Variants in DAGLA observed in about 807,000 individuals in gnomAD.
DAGLA encodes diacylglycerol lipase alpha, also known as diacylglycerol lipase-alpha.
A neutral mutation model predicts 102.6 loss-of-function variants in DAGLA; 22 were observed. That is an observed-to-expected ratio of 0.21 (90% CI 0.15 to 0.31). The LOEUF (loss-of-function observed/expected upper bound fraction) is 0.31. Ranked by LOEUF, DAGLA falls within the 10% of genes least tolerant of loss-of-function variation. The pLI is 1.00. For missense variants in DAGLA, 927 were observed against 1,446.6 expected (o/e 0.64, Z 5.83); for synonymous variants, 578 against 628.9 (o/e 0.92, Z 1.21).
intron 1 of DAGLA, among the ~76,000 whole-genome samples, chr11:61,716,500 G>A (rs914697819): frequency 8.6e-5 from 13 of 150,804 alleles, no homozygotes; most frequent in Admixed American, 4.6e-4. Context: ...CGAGAAAGAA[G>A]GATGTGGCAG....
intron 1 of DAGLA, among the ~76,000 whole-genome samples, chr11:61,705,973 C>G (rs984062439): frequency 6.6e-6 from 1 of 152,236 alleles, no homozygotes; most frequent in Non-Finnish European, 1.5e-5. Context: ...GCCAGCCCAG[C>G]CTGGGGTTTG....
chr11:61,728,815 GT>G lies in DAGLA; in HGVS notation c.772-113del. The G allele has an allele frequency of 3.6e-6, 3 of 832,126 alleles. No homozygotes were observed. The South Asian group carries it at 4.6e-5, about 13-fold the overall frequency. 51.5% of individuals were successfully genotyped at this position (832,126 alleles called of 1,614,324 possible). A position where few individuals can be genotyped will look rare whatever the true frequency, so the allele number is the denominator to read the frequency against. On this transcript the variant is annotated intron_variant, in intron 7 of 19. Coordinates refer to ENST00000257215, the MANE Select transcript of DAGLA (RefSeq NM_006133.3). ...TGGAAGAACTAGAAGCTGCATGCTCGTTTGGGCTTCTCGGCCTTTGGGAAGC... is the reference window on the plus strand; with the variant it reads ...TGGAAGAACTAGAAGCTGCATGCTCGTTGGGCTTCTCGGCCTTTGGGAAGC...
In DAGLA at chr11:61,737,601, G is replaced by A; in HGVS notation, c.1515-86G>A. The A allele has an allele frequency of 4.5e-6, 6 of 1,324,624 alleles. No individual in the cohort carries two copies. In the South Asian group the frequency reaches 4.8e-5, roughly 11 times the overall value. 82.1% of individuals were successfully genotyped at this position (1,324,624 alleles called of 1,614,324 possible). A position where few individuals can be genotyped will look rare whatever the true frequency, so the allele number is the denominator to read the frequency against. Reference sequence around the variant, plus strand: ...AGCCATCCCAGGAGTGCAGGAGCAGGGCTTGCTTGTGGCTGGGCCCCCCGA... The same window carrying A: ...AGCCATCCCAGGAGTGCAGGAGCAGAGCTTGCTTGTGGCTGGGCCCCCCGA... On this transcript the variant is annotated intron_variant, in intron 14 of 19. Transcript: ENST00000257215.
chr11:61,731,514 G>A, intron 9 of DAGLA, 73 bp downstream of exon 9: 1 of 1,587,928 alleles, frequency 6.3e-7, no homozygotes, highest in East Asian at 2.2e-5. Flanking sequence ...GGGCTACCGG[G>A]CTGCGCCTAC....
At chr11:61,738,524 A>C (rs962380056) in intron 16 of DAGLA, among the ~76,000 whole-genome samples, 2 of 152,220 alleles carry the variant, frequency 1.3e-5, no homozygotes, top group Admixed American at 6.5e-5. Context: ...AGCTGCCCAC[A>C]GTCAGGAGAA....
intron 14 of DAGLA, 118 bp downstream of exon 14, chr11:61,737,442 AG>A (rs2065432936): frequency 1.4e-6 from 2 of 1,433,852 alleles, no homozygotes; most frequent in Admixed American, 1.8e-5. Flanking sequence ...GAGGTCTGGG[AG>A]TGGCCTGGAG....
chr11:61,696,425 C>G (rs1445047887), intron 1 of DAGLA, among the ~76,000 whole-genome samples: 1 of 152,200 alleles, frequency 6.6e-6, no homozygotes, highest in Admixed American at 6.5e-5. Flanking sequence ...CCCCCACTTC[C>G]CAGCGGGGAG....
chr11:61,730,564 G>A (rs1204395682), intron 8 of DAGLA, among the ~76,000 whole-genome samples: 1 of 152,128 alleles, frequency 6.6e-6, no homozygotes, highest in Non-Finnish European at 1.5e-5. Flanking sequence ...GGTGCCTGGG[G>A]CACTCGGGAA....
chr11:61,705,658 G>T (rs2065143093), intron 1 of DAGLA, among the ~76,000 whole-genome samples: 1 of 152,184 alleles, frequency 6.6e-6, no homozygotes, highest in Non-Finnish European at 1.5e-5. Flanking sequence ...TGGTCTGCAG[G>T]CTCCATAAGG....
chr11:61,712,047 T>C (rs1392254822), intron 1 of DAGLA, among the ~76,000 whole-genome samples: 1 of 152,232 alleles, frequency 6.6e-6, no homozygotes, highest in Admixed American at 6.5e-5. Context: ...TGGAACTATT[T>C]CTGGGTCCGG....
At chr11:61,687,575 C>T (rs1216263154) in intron 1 of DAGLA, among the ~76,000 whole-genome samples, 2 of 152,290 alleles carry the variant, frequency 1.3e-5, no homozygotes, top group South Asian at 2.1e-4. Flanking sequence ...GTGATCCACC[C>T]GCCTCGCTCG....
At chr11:61,736,200 A>T in intron 12 of DAGLA, 70 bp from the exon 13 acceptor site, 1 of 1,297,664 alleles carries the variant, frequency 7.7e-7, no homozygotes, top group South Asian at 1.2e-5. Context: ...CCTGAGCTGC[A>T]GGTCACTGTG....
At position 61,727,048 on chromosome 11, in the gene DAGLA, G is replaced by A. The variant is rs138934482; in HGVS notation, c.636+966G>A. Among the ~76,000 whole-genome samples, 21 of 152,336 alleles carry A rather than the reference G, an allele frequency of 1.4e-4. No individual in the cohort carries two copies. In the East Asian group the frequency reaches 3.3e-3, roughly 24 times the overall value. ...GGCACGCCTGCCCCTCTGGGTGCAC[G>A]GGCAGAGCTGGGGCTGTTGTCAGAG... is the stretch of plus-strand genomic sequence containing the variant. On this transcript the variant is annotated intron_variant, in intron 6 of 19. Transcript: ENST00000257215.
In DAGLA at chr11:61,690,611, A is replaced by G. The variant is rs377553858; in HGVS notation, c.-45+10107A>G. On this transcript the variant is annotated intron_variant, in intron 1 of 19. Transcript: ENST00000257215. The stretch of plus-strand genomic sequence containing the variant: ...CCCATGGAGGAAGCACTCGTTTCAC[A>G]GCAGGGGTCCAAGTCTAGGACCTCA... Among the ~76,000 whole-genome samples the G allele has an allele frequency of 3.1e-4, 47 of 152,318 alleles. No individual in the cohort carries two copies. In the South Asian group the frequency reaches 8.7e-3, roughly 28 times the overall value.
intron 1 of DAGLA, among the ~76,000 whole-genome samples, chr11:61,689,860 G>A (rs2065010662): frequency 6.6e-6 from 1 of 152,010 alleles, no homozygotes; most frequent in Non-Finnish European, 1.5e-5. Context: ...TCCTCTCTGA[G>A]GCCTTTAGGG....
At chr11:61,725,294 G>T (rs1252195327) in intron 5 of DAGLA, among the ~76,000 whole-genome samples, 4 of 152,150 alleles carry the variant, frequency 2.6e-5, no homozygotes, top group Non-Finnish European at 5.9e-5. Flanking sequence ...CTGCCTTTGG[G>T]TACAGACTCC....
chr11:61,724,622 C>G (rs986334845), intron 5 of DAGLA, among the ~76,000 whole-genome samples: 2 of 152,240 alleles, frequency 1.3e-5, no homozygotes, highest in Admixed American at 6.5e-5. Context: ...CCCCGTGGAC[C>G]TTCCACGTCA....
intron 12 of DAGLA, 49 bp downstream of exon 12, chr11:61,735,865 G>A (rs1231053839): frequency 1.3e-6 from 2 of 1,526,618 alleles, no homozygotes; most frequent in South Asian, 1.2e-5. Flanking sequence ...TTCCTGCCCT[G>A]CCAGTGTGCA....
intron 9 of DAGLA, among the ~76,000 whole-genome samples, chr11:61,731,712 G>A (rs571779592): frequency 2.0e-5 from 3 of 152,148 alleles, no homozygotes; most frequent in African/African-American, 4.8e-5. Flanking sequence ...CTTTATCTGC[G>A]AAGTGGAGAT....
Sources: gnomAD v4.1 joint callset for allele counts (sites outside exome capture counted in the v4.1 genomes callset) on GRCh38, gnomAD v4.1.1 for gene constraint, MANE v1.5 for transcripts, NCBI Gene and HGNC (gene_info 2026-07-23, HGNC 2026-07-21) for gene names.